The following GRM8 variants were observed in gnomAD, a reference collection of about 807,000 sequenced individuals.
GRM8 encodes the protein glutamate metabotropic receptor 8, also known as metabotropic glutamate receptor 8.
GRM8 carries 47 observed loss-of-function variants against 87.2 expected under a neutral mutation model. That is an observed-to-expected ratio of 0.54 (90% CI 0.43 to 0.69). The LOEUF is 0.69. GRM8 is among the 30% of genes least tolerant of loss of function. The pLI is 0.00. For synonymous variants in GRM8, 396 were observed against 404.5 expected (o/e 0.98, Z 0.25); for missense variants, 1,019 against 1,139.2 (o/e 0.89, Z 1.52).
At chr7:126,521,940 T>G (rs1813049750) in intron 9 of GRM8, among the ~76,000 whole-genome samples, 1 of 152,206 alleles carries the variant, frequency 6.6e-6, no homozygotes, top group African/African-American at 2.4e-5. Flanking sequence ...CTGTGTATCT[T>G]TACTTTTGCT....
At chr7:126,456,261 C>T (rs1013879433) in intron 9 of GRM8, among the ~76,000 whole-genome samples, 1 of 151,400 alleles carries the variant, frequency 6.6e-6, no homozygotes, top group Non-Finnish European at 1.5e-5. Flanking sequence ...AGCACATTGA[C>T]ATATGTCCAG....
intron 9 of GRM8, chr7:126,512,264 A>G (rs1811500035): frequency 6.6e-6 from 1 of 152,220 alleles, no homozygotes; most frequent in South Asian, 2.1e-4. Context: ...GAGAGTTCCC[A>G]GGCAATCCCA....
chr7:126,521,096 T>A (rs1187949442), intron 9 of GRM8, among the ~76,000 whole-genome samples: 1 of 152,110 alleles, frequency 6.6e-6, no homozygotes, highest in Non-Finnish European at 1.5e-5. Flanking sequence ...TTTGAGTAGA[T>A]GAGGATTTTA....
At chr7:126,915,015 C>G (rs2131319505) in intron 3 of GRM8, among the ~76,000 whole-genome samples, 1 of 152,326 alleles carries the variant, frequency 6.6e-6, no homozygotes, top group South Asian at 2.1e-4. Context: ...GATGTACTCT[C>G]AGAGAGATGC....
At chr7:127,197,537 T>C (rs1795350858) in intron 2 of GRM8, among the ~76,000 whole-genome samples, 1 of 152,122 alleles carries the variant, frequency 6.6e-6, no homozygotes, top group African/African-American at 2.4e-5. Context: ...TGTTTTGTTT[T>C]GTTGTGACTA....
chr7:126,988,360 A>C (rs114302750), intron 3 of GRM8, among the ~76,000 whole-genome samples: 185 of 152,346 alleles, frequency 1.2e-3, no homozygotes, highest in African/African-American at 4.4e-3. Flanking sequence ...AAGGCACAAT[A>C]ATTTGAACCT....
chr7:126,639,711 C>T lies in GRM8; in HGVS notation c.1358-30213G>A, dbSNP rs550857519. On this transcript the variant is annotated intron_variant, in intron 7 of 10. Transcript: ENST00000339582. Reference sequence around the variant, plus strand: ...GCATGACAAAGATTAAAATAGGGGACAACAATATTGGGATTAATACTGATC... The same window carrying T: ...GCATGACAAAGATTAAAATAGGGGATAACAATATTGGGATTAATACTGATC... Among the ~76,000 whole-genome samples, 9 of 152,214 alleles carry T rather than the reference C, an allele frequency of 5.9e-5. No individual in the cohort carries two copies. The South Asian group carries it at 1.7e-3, about 28-fold the overall frequency.
At chr7:127,142,916 A>T (rs1278888721) in intron 2 of GRM8, among the ~76,000 whole-genome samples, 1 of 152,134 alleles carries the variant, frequency 6.6e-6, no homozygotes, top group East Asian at 1.9e-4. Context: ...TCATGATTTA[A>T]AAAAAATAAA....
chr7:127,201,997 A>C (rs11563283), intron 2 of GRM8, among the ~76,000 whole-genome samples: 18,719 of 152,214 alleles, frequency 0.12, 1,241 homozygotes, highest in Non-Finnish European at 0.15. Flanking sequence ...TGCTGCCTTT[A>C]AAGAGTTGTA....
chr7:126,921,623 T>A (rs1486262672), intron 3 of GRM8, among the ~76,000 whole-genome samples: 2 of 152,128 alleles, frequency 1.3e-5, no homozygotes, highest in Non-Finnish European at 2.9e-5. Flanking sequence ...GTTTCAGGAT[T>A]TTCACAGCAA....
intron 6 of GRM8, among the ~76,000 whole-genome samples, chr7:126,865,105 G>C (rs1798479166): frequency 6.6e-6 from 1 of 152,158 alleles, no homozygotes; most frequent in African/African-American, 2.4e-5. Flanking sequence ...CAAGGAGCTT[G>C]GCTCCAATTC....
chr7:126,948,973 G>A (rs1807848155), intron 3 of GRM8, among the ~76,000 whole-genome samples: 1 of 152,158 alleles, frequency 6.6e-6, no homozygotes. Context: ...TTCAACAGGT[G>A]GTTTACTAAC....
intron 7 of GRM8, among the ~76,000 whole-genome samples, chr7:126,696,786 C>T (rs1257617710): frequency 1.3e-5 from 2 of 152,058 alleles, no homozygotes; most frequent in African/African-American, 4.8e-5. Context: ...TTATTGTAGA[C>T]AGTTTACTGA....
intron 3 of GRM8, among the ~76,000 whole-genome samples, chr7:126,974,963 A>C (rs960883415): frequency 7.9e-5 from 11 of 139,448 alleles, no homozygotes; most frequent in Non-Finnish European, 1.4e-4. Flanking sequence ...AAAAAAAAAA[A>C]AAAAACCACT....
intron 6 of GRM8, among the ~76,000 whole-genome samples, chr7:126,777,514 T>G (rs1819611896): frequency 6.6e-6 from 1 of 152,120 alleles, no homozygotes; most frequent in Non-Finnish European, 1.5e-5. Flanking sequence ...TTCTCCAAAT[T>G]CCCCTTTTAC....
rs142716104 is a variant in GRM8, at chr7:127,243,146, T to C, written c.59A>G (p.Lys20Arg). ...CATCATTGTGAGGATCCAGTAGAAC[T>C]TGGCGGTCAAGAGGAAGAAACAAGG... ...SCPCFFLLTA[K>R]FYWILTMMQR... The change falls in exon 2 of 11, where the codon AAG becomes AGG. Residue 20 changes from lysine (K) to arginine (R), a missense_variant. Transcript: ENST00000339582. 8.7e-6 allele frequency: 14 copies of C among 1,613,710 alleles called. No individual in the cohort carries two copies. Among genetic ancestry groups the C allele is most frequent in the Admixed American group, 3.3e-5 (2 of 60,004 alleles).
intron 6 of GRM8, among the ~76,000 whole-genome samples, chr7:126,830,111 G>C (rs1034178101): frequency 2.3e-4 from 35 of 152,238 alleles, no homozygotes; most frequent in African/African-American, 6.5e-4. Flanking sequence ...GGTAACCCGA[G>C]CTTTCTCTCT....
chr7:126,568,952 G>T (rs914066395), intron 8 of GRM8, among the ~76,000 whole-genome samples: 3 of 151,868 alleles, frequency 2.0e-5, no homozygotes, highest in Admixed American at 2.0e-4. Flanking sequence ...AAATCAAAAA[G>T]AAAAAACAAT....
chr7:126,994,641 G>T (rs1018626663), intron 3 of GRM8, among the ~76,000 whole-genome samples: 3 of 152,162 alleles, frequency 2.0e-5, no homozygotes, highest in Admixed American at 2.0e-4. Context: ...TGGCAACAGG[G>T]AAAGGCTTCT....
Sources: gnomAD v4.1 joint callset for allele counts (sites outside exome capture counted in the v4.1 genomes callset) on GRCh38, gnomAD v4.1.1 for gene constraint, MANE v1.5 for transcripts, NCBI Gene and HGNC (gene_info 2026-07-23, HGNC 2026-07-21) for gene names.